WDPCP: variants seen among roughly 807,000 people sequenced by gnomAD.
WDPCP encodes WD repeat containing planar cell polarity effector.
A neutral mutation model predicts 93.1 loss-of-function variants in WDPCP; 71 were observed. The observed-to-expected ratio is 0.76, with a 90% CI of 0.63 to 0.93. The LOEUF (loss-of-function observed/expected upper bound fraction) is 0.93, where lower values mean the gene tolerates loss of function less well. WDPCP is among the 40% of genes least tolerant of loss of function. The probability of loss-of-function intolerance (pLI) is 0.00; values close to 1 mark genes in which losing one functional copy is unlikely to be tolerated. For synonymous variants in WDPCP, 315 were observed against 315.0 expected, an observed-to-expected ratio of 1.00 and a Z score of 0.00; for missense variants, 844 against 887.4, an observed-to-expected ratio of 0.95 and a Z score of 0.62.
intron 10 of WDPCP, among the ~76,000 whole-genome samples, chr2:63,387,012 A>G (rs1006972703): frequency 3.9e-5 from 6 of 152,116 alleles, no homozygotes; most frequent in South Asian, 2.1e-4. Context: ...CTACCATCAG[A>G]AAAAGCTTAG....
At chr2:63,627,795 A>G (rs1709825796) in intron 3 of WDPCP, among the ~76,000 whole-genome samples, 1 of 152,018 alleles carries the variant, frequency 6.6e-6, no homozygotes, top group African/African-American at 2.4e-5. Context: ...CCACCCTTCA[A>G]TTTGTTCGTG....
upstream of WDPCP, chr2:63,589,125 T>A (rs1465866693): frequency 6.2e-7 from 1 of 1,613,958 alleles, no homozygotes; most frequent in Admixed American, 1.7e-5. Context: ...TAGGGACTTT[T>A]GGGAGGCAGC....
chr2:63,590,655 A>G (rs1485533990), upstream of WDPCP: 1 of 152,178 alleles, frequency 6.6e-6, no homozygotes. Flanking sequence ...GAGGTCAGAT[A>G]ATTTTCCCAA....
At chr2:63,405,581 G>GTGTC (rs1553379163) in intron 9 of WDPCP, among the ~76,000 whole-genome samples, 67 of 136,376 alleles carry the variant, frequency 4.9e-4, no homozygotes, top group African/African-American at 1.6e-3. Flanking sequence ...GTGTGTGTGT[G>GTGTC]TGTGTTGGCG....
chr2:63,229,891 GA>G (rs559412469), intron 14 of WDPCP: 29,313 of 114,892 alleles, frequency 0.26, 2,814 homozygotes, highest in African/African-American at 0.28. Flanking sequence ...CCAGAAAAAG[GA>G]AAAAAAAAAA....
chr2:63,512,561 AT>A (rs1332389084), intron 1 of WDPCP, among the ~76,000 whole-genome samples: 1 of 152,268 alleles, frequency 6.6e-6, no homozygotes, highest in African/African-American at 2.4e-5. Flanking sequence ...TTATGCAGCC[AT>A]AAAAAACTAA....
At chr2:63,758,497 G>A (rs1215195132) in intron 2 of WDPCP, among the ~76,000 whole-genome samples, 1 of 152,154 alleles carries the variant, frequency 6.6e-6, no homozygotes, top group Non-Finnish European at 1.5e-5. Flanking sequence ...GAAGTACAGT[G>A]GCACCATCTT....
At chr2:63,625,427 C>A (rs190769928) in intron 3 of WDPCP, among the ~76,000 whole-genome samples, 1 of 152,180 alleles carries the variant, frequency 6.6e-6, no homozygotes, top group Non-Finnish European at 1.5e-5. Flanking sequence ...ATTTAGAAAA[C>A]CCCATCGTCT....
chr2:63,786,696 C>T (rs1303791170), intron 2 of WDPCP, among the ~76,000 whole-genome samples: 1 of 152,138 alleles, frequency 6.6e-6, no homozygotes, highest in African/African-American at 2.4e-5. Flanking sequence ...TCAAGTAATA[C>T]AGACATACGT....
chr2:63,613,498 A>T (rs908646821), intron 3 of WDPCP, among the ~76,000 whole-genome samples: 1 of 152,240 alleles, frequency 6.6e-6, no homozygotes, highest in Non-Finnish European at 1.5e-5. Context: ...TGTAATTCCC[A>T]GCCATTGCCT....
At chr2:63,347,200 T>C (rs781453144) in intron 12 of WDPCP, among the ~76,000 whole-genome samples, 1 of 152,210 alleles carries the variant, frequency 6.6e-6, no homozygotes, top group Non-Finnish European at 1.5e-5. Flanking sequence ...TTGGTAGTAC[T>C]ATTATCCCCA....
chr2:63,692,252 G>T (rs980606061), intron 2 of WDPCP, among the ~76,000 whole-genome samples: 1 of 151,866 alleles, frequency 6.6e-6, no homozygotes, highest in African/African-American at 2.4e-5. Flanking sequence ...ATTTAAAACT[G>T]ATGTATGTGT....
chr2:63,589,548 T>A (rs546078766), upstream of WDPCP, among the ~76,000 whole-genome samples: 1 of 152,352 alleles, frequency 6.6e-6, no homozygotes, highest in South Asian at 2.1e-4. Context: ...CAGACGTGTT[T>A]CCGCCATATC....
intron 14 of WDPCP, chr2:63,229,003 G>A (rs1427224550): frequency 3.9e-5 from 6 of 152,098 alleles, no homozygotes; most frequent in African/African-American, 1.2e-4. Flanking sequence ...CTGAGGAATC[G>A]CCACACTGAC....
chr2:63,242,535 T>A (rs568431059), intron 14 of WDPCP, among the ~76,000 whole-genome samples: 1 of 152,300 alleles, frequency 6.6e-6, no homozygotes, highest in African/African-American at 2.4e-5. Context: ...GGCAGGAGGA[T>A]TGCTTGTGCC....
At chr2:63,788,706 T>C (rs1168058389) in intron 2 of WDPCP, among the ~76,000 whole-genome samples, 3 of 152,230 alleles carry the variant, frequency 2.0e-5, no homozygotes, top group South Asian at 2.1e-4. Flanking sequence ...GAAAAAATAT[T>C]GCCTTAATTT....
chr2:63,508,814 C>A (rs1702046491), intron 1 of WDPCP, among the ~76,000 whole-genome samples: 1 of 151,618 alleles, frequency 6.6e-6, no homozygotes, highest in Admixed American at 6.6e-5. Context: ...TTTAAACCAA[C>A]AAAGATCAAA....
At chr2:63,272,939 A>T (rs758845374) in intron 13 of WDPCP, among the ~76,000 whole-genome samples, 1 of 152,236 alleles carries the variant, frequency 6.6e-6, no homozygotes, top group African/African-American at 2.4e-5. Flanking sequence ...AAAGGTTTTC[A>T]AGCCACGTTA....
chr2:63,667,914 A>C (rs889382162), intron 2 of WDPCP, among the ~76,000 whole-genome samples: 1 of 152,144 alleles, frequency 6.6e-6, no homozygotes, highest in Non-Finnish European at 1.5e-5. Flanking sequence ...GGGAATGTTC[A>C]CACACTCTGG....
Sources: gnomAD v4.1 joint callset for allele counts (sites outside exome capture counted in the v4.1 genomes callset) on GRCh38, gnomAD v4.1.1 for gene constraint, MANE v1.5 for transcripts, NCBI Gene and HGNC (gene_info 2026-07-23, HGNC 2026-07-21) for gene names.